FHIT: variants seen among roughly 807,000 people sequenced by gnomAD.
FHIT encodes the protein bis(5'-adenosyl)-triphosphatase.
FHIT carries 19 observed loss-of-function variants against 17.9 expected under a neutral mutation model. The ratio of observed to expected loss-of-function variants is 1.06; its 90% CI spans 0.74 to 1.56. The LOEUF is 1.56. FHIT is among the 40% of genes most tolerant of loss of function. The pLI is 0.00. For synonymous variants in FHIT, 81 were observed against 69.7 expected, an observed-to-expected ratio of 1.16 and a Z score of -0.81; for missense variants, 248 against 189.2, an observed-to-expected ratio of 1.31 and a Z score of -1.82.
chr3:59,896,653 T>G (rs2107048095), intron 8 of FHIT, among the ~76,000 whole-genome samples: 1 of 152,354 alleles, frequency 6.6e-6, no homozygotes, highest in South Asian at 2.1e-4. Flanking sequence ...TTACTAATTC[T>G]TAATACATAA....
chr3:60,309,799 A>G (rs556392048), intron 5 of FHIT, among the ~76,000 whole-genome samples: 2 of 152,222 alleles, frequency 1.3e-5, no homozygotes, highest in African/African-American at 4.8e-5. Context: ...TCCTGGGGAT[A>G]CATCCTCGCA....
At chr3:60,730,366 C>A in intron 4 of FHIT, 1 of 245,888 alleles carries the variant, frequency 4.1e-6, no homozygotes, top group South Asian at 6.7e-5. Context: ...GGTGGACACT[C>A]GGTCACTAAA....
chr3:60,289,697 T>C (rs1707895246), intron 5 of FHIT, among the ~76,000 whole-genome samples: 1 of 152,186 alleles, frequency 6.6e-6, no homozygotes, highest in Non-Finnish European at 1.5e-5. Context: ...CTATTCTAAT[T>C]ATGTAGAAAT....
chr3:60,265,488 A>G (rs1706524654), intron 5 of FHIT, among the ~76,000 whole-genome samples: 1 of 152,020 alleles, frequency 6.6e-6, no homozygotes, highest in Non-Finnish European at 1.5e-5. Flanking sequence ...GTAAACCTTC[A>G]TGAGTACGGA....
intron 1 of FHIT, among the ~76,000 whole-genome samples, chr3:61,220,023 CT>C (rs58235068): frequency 0.25 from 37,579 of 152,038 alleles, 5,202 homozygotes; most frequent in East Asian, 0.49. Flanking sequence ...CCTCACCTGA[CT>C]TAACTGCCAC....
chr3:60,063,143 T>G (rs1702361147), intron 5 of FHIT, among the ~76,000 whole-genome samples: 1 of 152,106 alleles, frequency 6.6e-6, no homozygotes, highest in Admixed American at 6.6e-5. Flanking sequence ...AAGACAAAAT[T>G]CACAGAGAAG....
At chr3:60,021,091 AAT>A (rs747367316) in intron 5 of FHIT, among the ~76,000 whole-genome samples, 68 of 152,322 alleles carry the variant, frequency 4.5e-4, no homozygotes, top group Middle Eastern at 3.4e-3. Flanking sequence ...TGATTTCCAG[AAT>A]ATGATAAATT....
At chr3:60,128,723 A>G (rs1699373516) in intron 5 of FHIT, among the ~76,000 whole-genome samples, 1 of 152,168 alleles carries the variant, frequency 6.6e-6, no homozygotes, top group African/African-American at 2.4e-5. Flanking sequence ...GGGATTGATT[A>G]GCAGAGTCTG....
rs563983455 is a variant in FHIT at position 60,640,626 on chromosome 3, TAAAG to T, written c.-17-103651_-17-103648del. Among the ~76,000 whole-genome samples the T allele has an allele frequency of 1.2e-3, 190 of 152,188 alleles. 1 individual carries two copies. Among genetic ancestry groups the T allele is most frequent in the African/African-American group, 4.4e-3 (184 of 41,522 alleles). ...TTAAAGGTGGAGGATTGAGAGAAAT[TAAAG>T]AAAATCCAAGAGACAAAGCAACCAA... On this transcript the variant is annotated intron_variant, in intron 4 of 9. Transcript: ENST00000492590.
intron 8 of FHIT, among the ~76,000 whole-genome samples, chr3:59,772,148 C>T (rs1475987348): frequency 2.0e-5 from 3 of 152,166 alleles, no homozygotes; most frequent in Admixed American, 1.3e-4. Context: ...TGCTGTGCTT[C>T]GTTGATCTGC....
intron 3 of FHIT, among the ~76,000 whole-genome samples, chr3:60,966,447 G>C (rs918829979): frequency 6.6e-6 from 1 of 152,150 alleles, no homozygotes; most frequent in Non-Finnish European, 1.5e-5. Flanking sequence ...CCCACTGTCC[G>C]ACAAGCCCCA....
chr3:60,828,879 AAAACAAACAAAT>A (rs1359128909), intron 3 of FHIT, among the ~76,000 whole-genome samples: 2 of 152,156 alleles, frequency 1.3e-5, no homozygotes, highest in African/African-American at 4.8e-5. Context: ...ATGCTGTCTC[AAAACAAACAAAT>A]AAACAAACAA....
At chr3:59,989,084 G>C (rs1157590828) in intron 7 of FHIT, among the ~76,000 whole-genome samples, 2 of 152,028 alleles carry the variant, frequency 1.3e-5, no homozygotes, top group Non-Finnish European at 2.9e-5. Context: ...GTTCTGGGAA[G>C]GGGAGCCAAT....
intron 5 of FHIT, among the ~76,000 whole-genome samples, chr3:60,376,498 C>T (rs1164407282): frequency 2.0e-5 from 3 of 152,168 alleles, no homozygotes; most frequent in Non-Finnish European, 4.4e-5. Context: ...TACACACACA[C>T]ATTCTCAAAA....
rs77763106 is a variant in FHIT, at chr3:60,091,856, G to A, written c.104-77704C>T. On this transcript the variant is annotated intron_variant, in intron 5 of 9. Transcript: ENST00000492590. ...TGAGACCTCCCTAGAAGCCGAAGCT[G>A]CTATGCTTCCTGTATGGCATACAGA... Among the ~76,000 whole-genome samples the A allele has an allele frequency of 4.3e-3, 653 of 152,190 alleles. 2 individuals carry two copies. Among genetic ancestry groups the A allele is most frequent in the African/African-American group, 0.015 (621 of 41,510 alleles).
intron 5 of FHIT, among the ~76,000 whole-genome samples, chr3:60,322,801 T>C (rs929530493): frequency 2.6e-5 from 4 of 152,208 alleles, no homozygotes; most frequent in South Asian, 2.1e-4. Context: ...TTTTGTGCCC[T>C]TGATTATCAC....
At chr3:59,830,537 T>A (rs1205141462) in intron 8 of FHIT, among the ~76,000 whole-genome samples, 1 of 152,248 alleles carries the variant, frequency 6.6e-6, no homozygotes, top group East Asian at 1.9e-4. Flanking sequence ...CAGAGGTTGT[T>A]GAAAAATCTT....
At chr3:61,098,876 T>C (rs1249436113) in intron 2 of FHIT, among the ~76,000 whole-genome samples, 1 of 152,212 alleles carries the variant, frequency 6.6e-6, no homozygotes, top group Non-Finnish European at 1.5e-5. Context: ...TTTCTAGATA[T>C]AAGATTATGT....
chr3:60,893,905 T>G (rs545801065), intron 3 of FHIT, among the ~76,000 whole-genome samples: 1 of 152,134 alleles, frequency 6.6e-6, no homozygotes, highest in Admixed American at 6.5e-5. Flanking sequence ...CAAAGTCAGG[T>G]AGAAATCCCA....
Sources: gnomAD v4.1 joint callset for allele counts (sites outside exome capture counted in the v4.1 genomes callset) on GRCh38, gnomAD v4.1.1 for gene constraint, MANE v1.5 for transcripts, NCBI Gene and HGNC (gene_info 2026-07-23, HGNC 2026-07-21) for gene names.